SLC15A1: variants seen among roughly 807,000 people sequenced by gnomAD.
SLC15A1 encodes the protein solute carrier family 15 member 1, also known as Caco-2 oligopeptide transporter.
Under a neutral mutation model 92.9 loss-of-function variants are expected in SLC15A1, and 83 were observed. The ratio of observed to expected loss-of-function variants is 0.89; its 90% CI spans 0.75 to 1.07. The LOEUF (loss-of-function observed/expected upper bound fraction) is 1.07. Ranked by LOEUF, SLC15A1 falls within the 50% of genes least tolerant of loss-of-function variation. SLC15A1 has a pLI of 0.00. For missense variants in SLC15A1, 857 were observed against 880.1 expected (o/e 0.97, Z 0.33); for synonymous variants, 322 against 318.2 (o/e 1.01, Z -0.13).
At position 98,684,835 on chromosome 13, in the gene SLC15A1, G is replaced by A. The variant is rs1405755778; in HGVS notation, c.2016C>T (p.Tyr672=). Residue 672 remains tyrosine (Y), a synonymous_variant, in exon 23 of 23, where the codon TAC becomes TAT. Coordinates refer to ENST00000376503, the MANE Select transcript of SLC15A1 (RefSeq NM_005073.4). ...IFAIMARFYT[Y]INPAEIEAQF... ...GAGCTTCGATCTCCGCTGGGTTGAT[G>A]TAAGTATAGAACCGAGCCATGATGG... The A allele has an allele frequency of 5.6e-6, 9 of 1,614,000 alleles. No homozygotes were observed. The highest frequency in any genetic ancestry group is 7.6e-6 in the Non-Finnish European group (9 of 1,180,026).
chr13:98,739,618 C>T (rs1308988664), intron 1 of SLC15A1, among the ~76,000 whole-genome samples: 1 of 152,148 alleles, frequency 6.6e-6, no homozygotes, highest in African/African-American at 2.4e-5. Flanking sequence ...TCCCCCTTCA[C>T]CTTCCAACAT....
chr13:98,686,247 C>A lies in SLC15A1; in HGVS notation c.1878G>T (p.Val626=). ...TGAGCACAATGATGTTGCCAACAGC[C>A]ACGGTCAGCAGCCATCCTGCCTGAA... ...SVLQAGWLLT[V]AVGNIIVLIV... The change falls in exon 22 of 23, where the codon GTG becomes GTT. Residue 626 remains valine, a synonymous_variant. Transcript: ENST00000376503. The A allele has an allele frequency of 6.2e-7, 1 of 1,613,712 alleles. No homozygotes were observed. Among genetic ancestry groups the A allele is most frequent in the Non-Finnish European group, 8.5e-7 (1 of 1,179,888 alleles).
At chr13:98,690,872 C>T (rs1033620180) in intron 18 of SLC15A1, among the ~76,000 whole-genome samples, 6 of 152,108 alleles carry the variant, frequency 3.9e-5, no homozygotes, top group South Asian at 2.1e-4. Flanking sequence ...TACTCCCATT[C>T]GTTCCTCCCT....
At chr13:98,686,152 A>G in intron 22 of SLC15A1, 38 bp downstream of exon 22, 1 of 1,448,842 alleles carries the variant, frequency 6.9e-7, no homozygotes. Flanking sequence ...TGAACAGGAA[A>G]GACAGAGGTA....
chr13:98,687,324 C>T (rs935445664), intron 21 of SLC15A1, among the ~76,000 whole-genome samples: 17 of 152,004 alleles, frequency 1.1e-4, no homozygotes, highest in East Asian at 9.6e-4. Flanking sequence ...AAATACTGGG[C>T]GCTAAATGTC....
At chr13:98,726,061 A>G in intron 4 of SLC15A1, 62 bp downstream of exon 4, 1 of 1,586,134 alleles carries the variant, frequency 6.3e-7, no homozygotes, top group Non-Finnish European at 8.6e-7. Flanking sequence ...CACCATTCCC[A>G]ACTACAAAAC....
intron 9 of SLC15A1, among the ~76,000 whole-genome samples, chr13:98,714,498 T>C (rs1435541142): frequency 1.3e-5 from 2 of 151,540 alleles, no homozygotes; most frequent in East Asian, 3.9e-4. Context: ...TCTACAGAAA[T>C]AGAAAACTTA....
At chr13:98,705,268 G>A (rs2088103696) in intron 16 of SLC15A1, among the ~76,000 whole-genome samples, 1 of 150,904 alleles carries the variant, frequency 6.6e-6, no homozygotes, top group African/African-American at 2.4e-5. Context: ...AAAGCTCTCC[G>A]GGTGATTCTG....
intron 1 of SLC15A1, among the ~76,000 whole-genome samples, chr13:98,743,377 TA>T (rs1159126171): frequency 6.6e-6 from 1 of 152,222 alleles, no homozygotes; most frequent in African/African-American, 2.4e-5. Flanking sequence ...CGTGGTTTTA[TA>T]AATTACCTAC....
intron 21 of SLC15A1, among the ~76,000 whole-genome samples, chr13:98,686,909 A>G (rs1311262089): frequency 1.3e-5 from 2 of 150,938 alleles, no homozygotes; most frequent in Non-Finnish European, 3.0e-5. Flanking sequence ...AGTCTAACAC[A>G]CTTAAAAGCA....
chr13:98,752,029 C>T (rs1346484237), intron 1 of SLC15A1, among the ~76,000 whole-genome samples: 3 of 152,206 alleles, frequency 2.0e-5, no homozygotes, highest in Non-Finnish European at 2.9e-5. Flanking sequence ...TGCTGACGCT[C>T]CAGCCCCATC....
In SLC15A1 at chr13:98,702,474, A is replaced by C; in HGVS notation, c.1466+6T>G. ...TAAAACTTAAATTTTAAAGAAATATACATACCTGATTCCATTTTCCCCTTT... is the reference window on the plus strand; with the variant it reads ...TAAAACTTAAATTTTAAAGAAATATCCATACCTGATTCCATTTTCCCCTTT... On this transcript the variant is annotated splice_donor_region_variant and intron_variant, in intron 18 of 22. Coordinates refer to ENST00000376503, the MANE Select transcript of SLC15A1 (RefSeq NM_005073.4). 1 of 1,596,916 alleles carries C rather than the reference A, an allele frequency of 6.3e-7. No individual in the cohort carries two copies.
chr13:98,707,111 C>T (rs2088118661), intron 15 of SLC15A1, among the ~76,000 whole-genome samples: 1 of 152,196 alleles, frequency 6.6e-6, no homozygotes, highest in Admixed American at 6.5e-5. Flanking sequence ...TCTTTCAAAA[C>T]CCAGTGTCAC....
intron 18 of SLC15A1, among the ~76,000 whole-genome samples, chr13:98,691,252 T>G (rs1287397902): frequency 6.6e-6 from 1 of 152,146 alleles, no homozygotes; most frequent in Non-Finnish European, 1.5e-5. Flanking sequence ...TTAGCCAGCA[T>G]GGTCTCAATC....
chr13:98,746,455 G>A (rs944989571), intron 1 of SLC15A1, among the ~76,000 whole-genome samples: 9 of 152,124 alleles, frequency 5.9e-5, no homozygotes, highest in African/African-American at 2.2e-4. Flanking sequence ...ACAATAGTTA[G>A]ACTAATTTAC....
chr13:98,739,836 T>A (rs1425460570), intron 1 of SLC15A1, among the ~76,000 whole-genome samples: 1 of 152,236 alleles, frequency 6.6e-6, no homozygotes, highest in African/African-American at 2.4e-5. Flanking sequence ...AAAATAAGGT[T>A]TTTTATTCAC....
chr13:98,717,397 G>A (rs776475987), intron 8 of SLC15A1, among the ~76,000 whole-genome samples: 18 of 152,220 alleles, frequency 1.2e-4, no homozygotes, highest in South Asian at 2.1e-4. Flanking sequence ...TAATTCAAGC[G>A]TAGGAATTTC....
chr13:98,751,652 C>T (rs1214117503), intron 1 of SLC15A1, among the ~76,000 whole-genome samples: 2 of 152,216 alleles, frequency 1.3e-5, no homozygotes, highest in African/African-American at 4.8e-5. Flanking sequence ...ACTGCTTCTC[C>T]TTAGGAACCA....
At chr13:98,722,865 C>A (rs547738930) in intron 5 of SLC15A1, among the ~76,000 whole-genome samples, 1 of 152,162 alleles carries the variant, frequency 6.6e-6, no homozygotes, top group Non-Finnish European at 1.5e-5. Flanking sequence ...TGCTCCAATA[C>A]GAACTCCATG....
Sources: allele counts gnomAD v4.1 joint callset (sites outside exome capture counted in the v4.1 genomes callset), GRCh38; gene constraint gnomAD v4.1.1; transcripts MANE v1.5; gene names NCBI Gene and HGNC (gene_info 2026-07-23, HGNC 2026-07-21).